Variants in RYR2 observed in about 807,000 individuals in gnomAD.
The protein encoded by RYR2 is ryanodine receptor 2.
RYR2 carries 227 observed loss-of-function variants against 601.1 expected under a neutral mutation model. That is an observed-to-expected ratio of 0.38 (90% confidence interval 0.34 to 0.42). RYR2 has a LOEUF of 0.42. RYR2 is among the 10% of genes least tolerant of loss of function. The probability of loss-of-function intolerance (pLI) is 1.00; values close to 1 mark genes in which losing one functional copy is unlikely to be tolerated. For synonymous variants in RYR2, 2,223 were observed against 2,175.1 expected, an observed-to-expected ratio of 1.02 and a Z score of -0.61; for missense variants, 4,646 against 6,156.5, an observed-to-expected ratio of 0.75 and a Z score of 8.21.
chr1:237,344,312 G>C (rs779709101), intron 3 of RYR2, among the ~76,000 whole-genome samples: 28 of 152,182 alleles, frequency 1.8e-4, no homozygotes, highest in Non-Finnish European at 3.4e-4. Context: ...CCCTCCAGCA[G>C]ACCGTTCCTA....
At chr1:237,271,189 GGTAGTAA>G (rs1572426689) in intron 2 of RYR2, among the ~76,000 whole-genome samples, 1 of 151,888 alleles carries the variant, frequency 6.6e-6, no homozygotes, top group East Asian at 1.9e-4. Flanking sequence ...AAAGATTGTT[GGTAGTAA>G]GTAGTCAGAT....
intron 10 of RYR2, among the ~76,000 whole-genome samples, chr1:237,392,776 T>C (rs1480001539): frequency 1.3e-5 from 2 of 152,150 alleles, no homozygotes; most frequent in African/African-American, 4.8e-5. Flanking sequence ...GGGCCTTTAG[T>C]TTGGAAATCT....
At chr1:237,510,883 G>T (rs919478923) in intron 23 of RYR2, among the ~76,000 whole-genome samples, 2 of 152,286 alleles carry the variant, frequency 1.3e-5, no homozygotes, top group Middle Eastern at 3.4e-3. Flanking sequence ...GCAGTTTCAA[G>T]AATTAATATA....
intron 4 of RYR2, among the ~76,000 whole-genome samples, chr1:237,358,659 G>T (rs572430208): frequency 6.6e-6 from 1 of 151,980 alleles, no homozygotes; most frequent in African/African-American, 2.4e-5. Flanking sequence ...TCCCAAGCTG[G>T]ATCTGTCTAG....
At chr1:237,068,554 A>G (rs937698097) in intron 1 of RYR2, among the ~76,000 whole-genome samples, 1 of 152,070 alleles carries the variant, frequency 6.6e-6, no homozygotes, top group Non-Finnish European at 1.5e-5. Flanking sequence ...AATATTCTCA[A>G]TTCTTAGGGG....
chr1:237,763,993 G>A (rs1181294501), intron 84 of RYR2, among the ~76,000 whole-genome samples: 1 of 152,196 alleles, frequency 6.6e-6, no homozygotes, highest in Non-Finnish European at 1.5e-5. Flanking sequence ...TTCAACACTT[G>A]AGGCTCAGAG....
rs1378964207 is a variant in RYR2 at position 237,640,972 on chromosome 1, C to T, written c.7191C>T (p.Asp2397=). The T allele has an allele frequency of 6.2e-7, 1 of 1,613,016 alleles. No individual in the cohort carries two copies. Among genetic ancestry groups the T allele is most frequent in the Non-Finnish European group, 8.5e-7 (1 of 1,179,446 alleles). ...TGACCTTCTATTCAGCTTTGATTGACCTCTTGGGACGCTGTGCTCCTGAGA... is the reference window on the plus strand; with the variant it reads ...TGACCTTCTATTCAGCTTTGATTGATCTCTTGGGACGCTGTGCTCCTGAGA... The part of the protein sequence containing the change: ...AIMTFYSALI[D]LLGRCAPEMH... The change falls in exon 47 of 105, where the codon GAC becomes GAT. Residue 2397 remains aspartate, a synonymous_variant. Coordinates refer to ENST00000366574, the MANE Select transcript of RYR2 (RefSeq NM_001035.3).
At chr1:237,042,628 C>G in intron 1 of RYR2, 59 bp downstream of exon 1, 1 of 1,243,152 alleles carries the variant, frequency 8.0e-7, no homozygotes, top group Non-Finnish European at 1.0e-6. Flanking sequence ...CATCCACTAG[C>G]GGGGTCCGGG....
chr1:237,389,995 G>C (rs1189325250), intron 10 of RYR2, among the ~76,000 whole-genome samples: 7 of 152,178 alleles, frequency 4.6e-5, no homozygotes, highest in African/African-American at 1.4e-4. Flanking sequence ...AGGGGGCTGA[G>C]GATGGATTCC....
At chr1:237,714,575 TA>T (rs1410364195) in intron 71 of RYR2, among the ~76,000 whole-genome samples, 2 of 152,176 alleles carry the variant, frequency 1.3e-5, no homozygotes, top group African/African-American at 4.8e-5. Flanking sequence ...CCTGGTCCAC[TA>T]TTAAATTTAA....
In RYR2 at chr1:237,723,210, AGAC is replaced by A; in HGVS notation, c.10639_10641del (p.Thr3547del). 6.2e-7 allele frequency: 1 copy of A among 1,611,802 alleles called. No individual in the cohort carries two copies. The highest frequency in any genetic ancestry group is 1.1e-5 in the South Asian group (1 of 91,022). On this transcript the variant is annotated inframe_deletion, in exon 74 of 105. Coordinates refer to ENST00000366574, the MANE Select transcript of RYR2 (RefSeq NM_001035.3). ...ACTGATGATACCTCAGATCCAGAGA[AGAC>A]GGTAGAAAGAGTATTGGATATAGCA... is the stretch of plus-strand genomic sequence containing the variant.
At chr1:237,517,940 A>G (rs924378993) in intron 24 of RYR2, among the ~76,000 whole-genome samples, 40 of 152,094 alleles carry the variant, frequency 2.6e-4, no homozygotes, top group African/African-American at 9.7e-4. Context: ...ACTTTTTTAT[A>G]CCTTCAAATC....
Position 237,480,512 on chromosome 1 carries a change from C to T in RYR2, c.1709-11294C>T, listed in dbSNP as rs148011361. ...TTGTATAGCATAAAAATTCTAATAC[C>T]GTTACTTGTTGTATAATGAACTGCT... On this transcript the variant is annotated intron_variant, in intron 17 of 104. Transcript: ENST00000366574. Among the ~76,000 whole-genome samples, 220 of 151,904 alleles carry T rather than the reference C, an allele frequency of 1.4e-3. 1 individual carries two copies. Among genetic ancestry groups the T allele is most frequent in the African/African-American group, 5.0e-3 (209 of 41,390 alleles).
chr1:237,369,439 G>A (rs761134780), intron 5 of RYR2, 95 bp from the exon 6 acceptor site: 47 of 1,041,104 alleles, frequency 4.5e-5, no homozygotes, highest in Middle Eastern at 2.0e-4. Flanking sequence ...TCCTACTAAC[G>A]TTCCTTTGAG....
chr1:237,049,492 C>A (rs754597279), intron 1 of RYR2, among the ~76,000 whole-genome samples: 6 of 152,036 alleles, frequency 3.9e-5, no homozygotes, highest in Non-Finnish European at 5.9e-5. Flanking sequence ...GAGGGACTTG[C>A]GGTAATTTCC....
chr1:237,173,888 C>T (rs1278585168), intron 1 of RYR2, among the ~76,000 whole-genome samples: 2 of 152,102 alleles, frequency 1.3e-5, no homozygotes, highest in African/African-American at 2.4e-5. Flanking sequence ...AGCCCCGTCT[C>T]TACTAAAAAT....
Position 237,784,421 on chromosome 1 carries a change from T to G in RYR2, c.12709T>G (p.Ser4237Ala), listed in dbSNP as rs1695382360. 1 of 1,613,638 alleles carries G rather than the reference T, an allele frequency of 6.2e-7. No homozygotes were observed. The highest frequency in any genetic ancestry group is 1.1e-5 in the South Asian group (1 of 91,066). The change falls in exon 90 of 105, where the codon TCC (serine) becomes GCC (alanine). Residue 4237 changes from serine to alanine, a missense_variant. Ser to Ala is a moderately conservative substitution (Grantham distance 99, BLOSUM62 1). Transcript: ENST00000366574. This position sits in a 1 kb window ranked among gnomAD's most constrained non-coding sequence, Gnocchi z 7.1. ...GCAGGGGCCGAGGATGGCTTTCTTC[T>G]CCATTCTGACGGTCAGGTCGGCCCT... ...EEQGPRMAFF[S>A]ILTVRSALFA...
chr1:237,052,901 T>C (rs182401166), intron 1 of RYR2, among the ~76,000 whole-genome samples: 22 of 152,264 alleles, frequency 1.4e-4, no homozygotes, highest in Admixed American at 1.2e-3. Context: ...CAGGCTGGAG[T>C]GCAGTGGTGT....
At chr1:237,713,264 G>A (rs371407221) in intron 71 of RYR2, among the ~76,000 whole-genome samples, 6 of 152,226 alleles carry the variant, frequency 3.9e-5, no homozygotes, top group African/African-American at 1.2e-4. Flanking sequence ...GCATAAAGAT[G>A]ACTGATTATA....
Sources: allele counts gnomAD v4.1 joint callset (sites outside exome capture counted in the v4.1 genomes callset), GRCh38; gene constraint gnomAD v4.1.1; non-coding constraint Gnocchi (gnomAD v3.1); transcripts MANE v1.5; gene names NCBI Gene and HGNC (gene_info 2026-07-23, HGNC 2026-07-21).